The following TSEN15 variants were observed in gnomAD, a reference collection of about 807,000 sequenced individuals.
The protein encoded by TSEN15 is tRNA splicing endonuclease subunit 15, also known as tRNA-splicing endonuclease subunit Sen15.
In TSEN15, 10 loss-of-function variants were observed where a neutral mutation model predicts 20.5. That is an observed-to-expected ratio of 0.49 (90% CI 0.30 to 0.83). The LOEUF is 0.83. Ranked by LOEUF, TSEN15 falls within the 40% of genes least tolerant of loss-of-function variation. The pLI, the probability that TSEN15 is intolerant of heterozygous loss-of-function variation, is 0.06. For missense variants in TSEN15, 180 were observed against 218.6 expected, an observed-to-expected ratio of 0.82 and a Z score of 1.11; for synonymous variants, 72 against 80.1, an observed-to-expected ratio of 0.90 and a Z score of 0.54.
At chr1:184,091,379 G>GAT (rs1030953932) in intron 3 of TSEN15, among the ~76,000 whole-genome samples, 23 of 151,526 alleles carry the variant, frequency 1.5e-4, no homozygotes, top group African/African-American at 2.4e-4. Context: ...CTCAGAAATT[G>GAT]ATATATATAT....
intron 3 of TSEN15, among the ~76,000 whole-genome samples, chr1:184,088,550 G>A (rs1007036256): frequency 4.1e-5 from 6 of 147,980 alleles, no homozygotes; most frequent in Admixed American, 2.8e-4. Flanking sequence ...CAGAAAATAC[G>A]TATCCTTGTC....
intron 3 of TSEN15, among the ~76,000 whole-genome samples, chr1:184,056,706 A>G (rs1167767864): frequency 6.6e-6 from 1 of 152,106 alleles, no homozygotes; most frequent in Non-Finnish European, 1.5e-5. Flanking sequence ...CATGTGGATA[A>G]CCACTTTTTC....
chr1:184,080,728 C>A, intron 3 of TSEN15, among the ~76,000 whole-genome samples: 1 of 152,114 alleles, frequency 6.6e-6, no homozygotes, highest in East Asian at 1.9e-4. Context: ...AAGAAGAACT[C>A]AGAAAGTTTC....
intron 3 of TSEN15, among the ~76,000 whole-genome samples, chr1:184,067,953 T>C (rs1187759545): frequency 2.9e-4 from 40 of 138,488 alleles, no homozygotes; most frequent in African/African-American, 1.0e-3. Flanking sequence ...TATATATATA[T>C]ATATATATAT....
chr1:184,096,025 G>A (rs979628816), exon 4 of TSEN15: 1 of 305,318 alleles, frequency 3.3e-6, no homozygotes, highest in Non-Finnish European at 6.0e-6. Flanking sequence ...CCACCCTTCT[G>A]GGGGAGAGAG....
rs1178172992 is a variant in TSEN15, at chr1:184,058,013, T to C, written c.353+3150T>C. The C allele has an allele frequency of 1.0e-5, 3 of 290,918 alleles. No individual in the cohort carries two copies. The East Asian group carries it at 2.8e-4, about 27-fold the overall frequency. 18.0% of individuals were successfully genotyped at this position (290,918 alleles called of 1,614,324 possible). On this transcript the variant is annotated intron_variant, in intron 3 of 4. Coordinates refer to ENST00000645668, the MANE Select transcript of TSEN15 (RefSeq NM_052965.4). ...GCTAGTATTAATGTTATATTATTTG[T>C]TTGGACAAGGAGCTACTATTTGAAA...
At chr1:184,075,908 A>ATT (rs1193000569), downstream of TSEN15, among the ~76,000 whole-genome samples, 418 of 99,480 alleles carry the variant, frequency 4.2e-3, 1 homozygote, top group African/African-American at 0.016. Flanking sequence ...ATATATATAT[A>ATT]TATTTTTTTT....
At chr1:184,075,908 A>AT (rs1193000569), downstream of TSEN15, among the ~76,000 whole-genome samples, 900 of 99,468 alleles carry the variant, frequency 9.0e-3, 5 homozygotes, top group African/African-American at 0.022. Context: ...ATATATATAT[A>AT]TATTTTTTTT....
At chr1:184,065,882 A>G (rs910558032) in intron 3 of TSEN15, among the ~76,000 whole-genome samples, 1 of 152,150 alleles carries the variant, frequency 6.6e-6, no homozygotes, top group Non-Finnish European at 1.5e-5. Context: ...ACTTCTGTGT[A>G]TATTTTGAAT....
intron 1 of TSEN15, 26 bp downstream of exon 1, chr1:184,051,916 C>A: frequency 6.6e-7 from 1 of 1,509,538 alleles, no homozygotes. Flanking sequence ...AGGAGCAGGG[C>A]GCCGTCCAGG....
intron 1 of TSEN15, among the ~76,000 whole-genome samples, chr1:184,054,144 ATTG>A (rs1650155303): frequency 1.3e-5 from 2 of 152,150 alleles, no homozygotes. Flanking sequence ...ACAGTCATAT[ATTG>A]TTATTTGCCT....
rs147223021 is a variant in TSEN15, at chr1:184,059,663, C to A, written c.353+4800C>A. Among the ~76,000 whole-genome samples, 468 of 152,224 alleles carry A rather than the reference C, an allele frequency of 3.1e-3. 1 individual carries two copies. The highest frequency in any genetic ancestry group is 7.3e-3 in the African/African-American group (305 of 41,542). On this transcript the variant is annotated intron_variant, in intron 3 of 4. Transcript: ENST00000645668. ...TCGGCACACTGCAGTCTCCGCCTCC[C>A]GGGTTCAAGTGATTCTCCTGCTTCA...
intron 3 of TSEN15, among the ~76,000 whole-genome samples, chr1:184,091,417 GTGA>G (rs113622569): frequency 0.011 from 1,679 of 152,012 alleles, 30 homozygotes; most frequent in African/African-American, 0.036. Flanking sequence ...TTCTAAAATA[GTGA>G]TGATAATTCC....
downstream of TSEN15, among the ~76,000 whole-genome samples, chr1:184,079,074 G>A (rs1373299942): frequency 6.6e-6 from 1 of 152,058 alleles, no homozygotes; most frequent in African/African-American, 2.4e-5. Flanking sequence ...GCAATTAATA[G>A]TACAATTTCC....
chr1:184,095,637 CTCTCT>C (rs2101949818), intron 3 of TSEN15: 1 of 55,786 alleles, frequency 1.8e-5, no homozygotes, highest in African/African-American at 9.0e-5. Flanking sequence ...CCCCTTCTCT[CTCTCT>C]CTCTCTCTCT....
chr1:184,055,276 A>T (rs1186889375), intron 3 of TSEN15, among the ~76,000 whole-genome samples: 2 of 152,150 alleles, frequency 1.3e-5, no homozygotes, highest in Non-Finnish European at 2.9e-5. Flanking sequence ...TTAAATGACC[A>T]GATCTCACGA....
intron 3 of TSEN15, among the ~76,000 whole-genome samples, chr1:184,091,264 T>G (rs1651353143): frequency 6.6e-6 from 1 of 152,052 alleles, no homozygotes; most frequent in Non-Finnish European, 1.5e-5. Context: ...ACCTGCTGCT[T>G]ACTGAGTGGG....
chr1:184,081,683 G>A (rs544436517), intron 3 of TSEN15, among the ~76,000 whole-genome samples: 118 of 152,122 alleles, frequency 7.8e-4, no homozygotes, highest in Non-Finnish European at 1.0e-3. Flanking sequence ...ATTGAGTCCC[G>A]TCACTTTAAT....
downstream of TSEN15, among the ~76,000 whole-genome samples, chr1:184,075,908 A>ATTT (rs1193000569): frequency 2.0e-5 from 2 of 99,488 alleles, no homozygotes; most frequent in African/African-American, 8.2e-5. Context: ...ATATATATAT[A>ATTT]TATTTTTTTT....
Sources: allele counts gnomAD v4.1 joint callset (sites outside exome capture counted in the v4.1 genomes callset), GRCh38; gene constraint gnomAD v4.1.1; transcripts MANE v1.5; gene names NCBI Gene and HGNC (gene_info 2026-07-23, HGNC 2026-07-21).